Variants in EIF1AD observed in about 807,000 individuals in gnomAD.
EIF1AD encodes eukaryotic translation initiation factor 1A domain containing.
A neutral mutation model predicts 21.7 loss-of-function variants in EIF1AD; 9 were observed. The observed-to-expected ratio is 0.41, with a 90% confidence interval of 0.25 to 0.72. EIF1AD has a LOEUF of 0.72. Among genes scored for constraint, EIF1AD ranks in the 30% least tolerant of loss-of-function variants. The probability of loss-of-function intolerance (pLI) is 0.29; values close to 1 mark genes in which losing one functional copy is unlikely to be tolerated. For synonymous variants in EIF1AD, 78 were observed against 70.9 expected, an observed-to-expected ratio of 1.10 and a Z score of -0.50; for missense variants, 164 against 199.7, an observed-to-expected ratio of 0.82 and a Z score of 1.08.
chr11:65,999,447 A>C (rs1176238903), intron 4 of EIF1AD, 50 bp from the exon 5 acceptor site: 1 of 1,613,742 alleles, frequency 6.2e-7, no homozygotes, highest in Non-Finnish European at 8.5e-7. Context: ...AATTTCTCAC[A>C]AAAGAGCTGC....
rs755943069 is a variant in EIF1AD at position 65,999,593 on chromosome 11, C to G, written c.279G>C (p.Val93=). The part of the protein sequence containing the change: ...EISFVLCKDH[V]RSLQKEGFWP... ...AAAACCCCTCCTTCTGCAGAGAGCG[C>G]ACGTGGTCCTTGCAGAGCACAAACG... The change falls in exon 4 of 6, where the codon GTG becomes GTC. Residue 93 remains valine (V), a synonymous_variant. Transcript: ENST00000533544. The G allele has an allele frequency of 6.2e-7, 1 of 1,613,882 alleles. No homozygotes were observed. The highest frequency in any genetic ancestry group is 2.2e-5 in the East Asian group (1 of 44,892).
Position 65,998,296 on chromosome 11 carries a change from GAA to G in EIF1AD, c.*301_*302del. 4.4e-6 allele frequency: 1 copy of G among 225,024 alleles called. No homozygotes were observed. Among genetic ancestry groups the G allele is most frequent in the Non-Finnish European group, 8.8e-6 (1 of 114,044 alleles). 13.9% of individuals were successfully genotyped at this position (225,024 alleles called of 1,614,324 possible). ...CAATAAGAAAGAACAAACCACCTGG[GAA>G]AGACTCCAGCCATTTCCCATTTCCT... is the stretch of plus-strand genomic sequence containing the variant. On this transcript the variant is annotated 3_prime_UTR_variant, in exon 6 of 6. Coordinates refer to ENST00000533544, the MANE Select transcript of EIF1AD (RefSeq NM_001242481.2).
Position 66,000,345 on chromosome 11 carries a change from T to C in EIF1AD, c.45A>G (p.Leu15=). Residue 15 remains leucine (L), a synonymous_variant, in exon 2 of 6, where the codon CTA becomes CTG. Transcript: ENST00000533544. The stretch of plus-strand genomic sequence containing the variant: ...GGTCGGAGGGCACTATGTGCTCCCC[T>C]AGCACCTCCTTCACCACATGCTTCC... ...TKRKHVVKEV[L]GEHIVPSDQQ... 4 of 1,613,370 alleles carry C rather than the reference T, an allele frequency of 2.5e-6. No individual in the cohort carries two copies. Among genetic ancestry groups the C allele is most frequent in the Non-Finnish European group, 3.4e-6 (4 of 1,179,710 alleles).
Position 66,000,107 on chromosome 11 carries a change from G to A in EIF1AD, c.142C>T (p.Arg48Cys), listed in dbSNP as rs35497370. 4.9e-4 allele frequency: 797 copies of A among 1,614,094 alleles called. 4 individuals are homozygous for A. In the African/African-American group the frequency reaches 8.7e-3, roughly 18 times the overall value. Residue 48 changes from arginine (R) to cysteine (C), a missense_variant, in exon 3 of 6, where the codon CGC (arginine) becomes TGC (cysteine). Physicochemically the swap from Arg to Cys is radical, Grantham distance 180. Coordinates refer to ENST00000533544, the MANE Select transcript of EIF1AD (RefSeq NM_001242481.2). The stretch of plus-strand genomic sequence containing the variant: ...TTGGAGGGCATGCTCACCAGGAAGC[G>A]CTGCCCTTGGGCTGTCTCCACCTCA... ...LHEVETAQGQ[R>C]FLVSMPSKYR...
chr11:65,998,645 TG>T lies in EIF1AD; in HGVS notation c.451del (p.Gln151SerfsTer49), dbSNP rs753109886. 6.2e-7 allele frequency: 1 copy of T among 1,614,078 alleles called. No homozygotes were observed. Among genetic ancestry groups the T allele is most frequent in the Non-Finnish European group, 8.5e-7 (1 of 1,180,046 alleles). ...SDLFVNTNRR[Q>X]YHESEEESEE... ...ACTCTCCTCCTCACTCTCATGATAC[TG>T]TCTGCGGTTTGTGTTAACAAACAGG... On this transcript the variant is annotated frameshift_variant, in exon 6 of 6. Coordinates refer to ENST00000533544, the MANE Select transcript of EIF1AD (RefSeq NM_001242481.2). LOFTEE classifies it high-confidence loss of function.
rs773701677 is a variant in EIF1AD at position 66,000,363 on chromosome 11, A to G, written c.27T>C (p.His9=). Residue 9 remains histidine, a synonymous_variant, in exon 2 of 6, where the codon CAT becomes CAC. Transcript: ENST00000533544. MSQATKRK[H]VVKEVLGEHI... ...GCTCCCCTAGCACCTCCTTCACCACATGCTTCCTCTTGGTGGCCTGAGACA... is the reference window on the plus strand; with the variant it reads ...GCTCCCCTAGCACCTCCTTCACCACGTGCTTCCTCTTGGTGGCCTGAGACA... 1.2e-6 allele frequency: 2 copies of G among 1,611,934 alleles called. No homozygotes were observed. The highest frequency in any genetic ancestry group is 8.5e-7 in the Non-Finnish European group (1 of 1,179,226).
chr11:65,999,280 T>C (rs1855844516), intron 5 of EIF1AD, 70 bp downstream of exon 5: 1 of 1,604,090 alleles, frequency 6.2e-7, no homozygotes, highest in Non-Finnish European at 8.5e-7. Context: ...AAGGCTCTAT[T>C]TTTCCCTCAA....
In EIF1AD at chr11:65,999,655, G is replaced by A. The variant is rs957590080; in HGVS notation, c.217C>T (p.Pro73Ser). 6.2e-7 allele frequency: 1 copy of A among 1,613,786 alleles called. No individual in the cohort carries two copies. Among genetic ancestry groups the A allele is most frequent in the South Asian group, 1.1e-5 (1 of 91,062 alleles). The change falls in exon 4 of 6, where the codon CCC (proline) becomes TCC (serine). Residue 73 changes from proline (P) to serine (S), a missense_variant. By Grantham distance (74) the Pro-to-Ser change is moderately conservative (BLOSUM62 -1). Transcript: ENST00000533544. ...TTCACCTTTTCTCCCTCTTCAATGG[G>A]GTCAACAATGAGAAAGTCCCCTGTA... ...IKRGDFLIVD[P>S]IEEGEKVKAE...
intron 4 of EIF1AD, 71 bp downstream of exon 4, chr11:65,999,496 C>T: frequency 6.3e-7 from 1 of 1,597,992 alleles, no homozygotes; most frequent in Non-Finnish European, 8.6e-7. Context: ...GACCTTCCCT[C>T]CCCTAATTCC....
rs9735063 is a variant in EIF1AD at position 65,997,067 on chromosome 11, T to C, written c.*1532A>G. The C allele has an allele frequency of 0.29, 43,657 of 151,876 alleles. 7,040 individuals carry two copies. Among genetic ancestry groups the C allele is most frequent in the Middle Eastern group, 0.41 (119 of 292 alleles). The allele number at this position is 151,876 out of a possible 1,614,324, so 9.4% of individuals were successfully genotyped here. A position where few individuals can be genotyped will look rare whatever the true frequency, so the allele number is the denominator to read the frequency against. ...TTAGCCAGGCATGGTGGCACACGCC[T>C]GTAATCCCAGCAGTTTGGGAGGCTG... On this transcript the variant is annotated 3_prime_UTR_variant, in exon 6 of 6. Coordinates refer to ENST00000533544, the MANE Select transcript of EIF1AD (RefSeq NM_001242481.2).
rs936356791 is a variant in EIF1AD at position 65,996,862 on chromosome 11, A to T, written c.*1737T>A. The T allele has an allele frequency of 2.0e-5, 3 of 152,162 alleles. No homozygotes were observed. Among genetic ancestry groups the T allele is most frequent in the Non-Finnish European group, 4.4e-5 (3 of 68,066 alleles). 9.4% of individuals were successfully genotyped at this position (152,162 alleles called of 1,614,324 possible). On this transcript the variant is annotated 3_prime_UTR_variant, in exon 6 of 6. Transcript: ENST00000533544. Reference sequence around the variant, plus strand: ...TCAAATACCCACACCCAGACACAATACTCAACAACACAAATACCCGACCAA... The same window carrying T: ...TCAAATACCCACACCCAGACACAATTCTCAACAACACAAATACCCGACCAA...
At position 65,998,580 on chromosome 11, in the gene EIF1AD, A is replaced by G; in HGVS notation, c.*19T>C. 1 of 1,612,172 alleles carries G rather than the reference A, an allele frequency of 6.2e-7. No individual in the cohort carries two copies. The highest frequency in any genetic ancestry group is 8.5e-7 in the Non-Finnish European group (1 of 1,179,442). ...CAGGGGCCAGTCCCTGAGCAAGTGG[A>G]GAATTGGGTCCTGGAGTCTCAGGCT... On this transcript the variant is annotated 3_prime_UTR_variant, in exon 6 of 6. Coordinates refer to ENST00000533544, the MANE Select transcript of EIF1AD (RefSeq NM_001242481.2).
At chr11:66,001,611 T>C (rs1297961534) in intron 1 of EIF1AD, among the ~76,000 whole-genome samples, 1 of 152,120 alleles carries the variant, frequency 6.6e-6, no homozygotes, top group Non-Finnish European at 1.5e-5. Context: ...CTCAACACGC[T>C]TGTACACCCC....
rs1426298018 is a variant in EIF1AD, at chr11:65,999,362, T to C, written c.341A>G (p.Asn114Ser). The change falls in exon 5 of 6, where the codon AAC (asparagine) becomes AGC (serine). Residue 114 changes from asparagine to serine, a missense_variant. Physicochemically the swap from Asn to Ser is conservative, Grantham distance 46. Transcript: ENST00000533544. ...GCTTGTTCCTCACCTGTTCCTGTTG[T>C]TGTGTTTCTCAGCCACTTCAGAGAA... ...EAFSEVAEKH[N>S]NRNRQTQPEL... 8 of 1,614,248 alleles carry C rather than the reference T, an allele frequency of 5.0e-6. No individual in the cohort carries two copies. The highest frequency in any genetic ancestry group is 3.3e-5 in the South Asian group (3 of 91,088).
Position 65,998,370 on chromosome 11 carries a change from A to C in EIF1AD, c.*229T>G. 2.8e-6 allele frequency: 1 copy of C among 352,950 alleles called. No individual in the cohort carries two copies. The highest frequency in any genetic ancestry group is 5.1e-6 in the Non-Finnish European group (1 of 196,250). 21.9% of individuals were successfully genotyped at this position (352,950 alleles called of 1,614,324 possible). A position where few individuals can be genotyped will look rare whatever the true frequency, so the allele number is the denominator to read the frequency against. On this transcript the variant is annotated 3_prime_UTR_variant, in exon 6 of 6. Coordinates refer to ENST00000533544, the MANE Select transcript of EIF1AD (RefSeq NM_001242481.2). ...ACAAGGTCTCTAATAAATAGGGAGCAGTTTTTCACTTCATCACAATCTCCC... is the reference window on the plus strand; with the variant it reads ...ACAAGGTCTCTAATAAATAGGGAGCCGTTTTTCACTTCATCACAATCTCCC...
In EIF1AD at chr11:65,998,486, C is replaced by A; in HGVS notation, c.*113G>T. 7.4e-7 allele frequency: 1 copy of A among 1,355,236 alleles called. No homozygotes were observed. The highest frequency in any genetic ancestry group is 1.0e-6 in the Non-Finnish European group (1 of 992,438). The allele number at this position is 1,355,236 out of a possible 1,614,324, so 84.0% of individuals were successfully genotyped here. On this transcript the variant is annotated 3_prime_UTR_variant, in exon 6 of 6. Transcript: ENST00000533544. ...ATCAAAAGATCAGTTCAGAGAGGAG[C>A]CCTGCTTTGTCCTCATGCAGGGGTG...
Position 66,000,053 on chromosome 11 carries a change from C to G in EIF1AD, c.196G>C (p.Gly66Arg). 6 of 1,612,004 alleles carry G rather than the reference C, an allele frequency of 3.7e-6. No homozygotes were observed. The highest frequency in any genetic ancestry group is 5.1e-6 in the Non-Finnish European group (6 of 1,178,106). The change falls in exon 3 of 6, where the codon GGG becomes CGG. Residue 66 changes from glycine (G) to arginine (R), a missense_variant and splice_region_variant. By Grantham distance (125) the Gly-to-Arg change is moderately radical. Transcript: ENST00000533544. ...AGGATTACAGGAGTAATCCTCTCAC[C>G]TCTCTTGATCCAGATGTTCTTGCGG... ...KYRKNIWIKR[G>R]DFLIVDPIEE...
In EIF1AD at chr11:66,000,087, G is replaced by A. The variant is rs182787385; in HGVS notation, c.162C>T (p.Pro54=). 1.4e-5 allele frequency: 23 copies of A among 1,614,100 alleles called. 1 individual carries two copies. Among genetic ancestry groups the A allele is most frequent in the Middle Eastern group, 3.3e-4 (2 of 6,062 alleles). The change falls in exon 3 of 6, where the codon CCC becomes CCT. Residue 54 remains proline (P), a synonymous_variant. Coordinates refer to ENST00000533544, the MANE Select transcript of EIF1AD (RefSeq NM_001242481.2). ...AQGQRFLVSM[P]SKYRKNIWIK... is the part of the protein sequence containing the mutation. ...TCCAGATGTTCTTGCGGTATTTGGA[G>A]GGCATGCTCACCAGGAAGCGCTGCC... is the stretch of plus-strand genomic sequence containing the variant.
chr11:65,998,352 C>G lies in EIF1AD; in HGVS notation c.*247G>C. 1.8e-5 allele frequency: 5 copies of G among 284,172 alleles called. No homozygotes were observed. The highest frequency in any genetic ancestry group is 2.0e-5 in the Non-Finnish European group (3 of 152,146). The allele number at this position is 284,172 out of a possible 1,614,324, so 17.6% of individuals were successfully genotyped here. On this transcript the variant is annotated 3_prime_UTR_variant, in exon 6 of 6. Transcript: ENST00000533544. ...CATTCAGCCCACCCACCCACAAGGTCTCTAATAAATAGGGAGCAGTTTTTC... is the reference window on the plus strand; with the variant it reads ...CATTCAGCCCACCCACCCACAAGGTGTCTAATAAATAGGGAGCAGTTTTTC...
Sources: allele counts gnomAD v4.1 joint callset (sites outside exome capture counted in the v4.1 genomes callset), GRCh38; gene constraint gnomAD v4.1.1; transcripts MANE v1.5; gene names NCBI Gene and HGNC (gene_info 2026-07-23, HGNC 2026-07-21).